GAB2: variants seen among roughly 807,000 people sequenced by gnomAD.
GAB2 encodes the protein GRB2 associated binding protein 2.
A neutral mutation model predicts 65.5 loss-of-function variants in GAB2; 26 were observed. The observed-to-expected ratio is 0.40, with a 90% CI of 0.29 to 0.55. GAB2 has a LOEUF of 0.55. Ranked by LOEUF, GAB2 falls within the 20% of genes least tolerant of loss-of-function variation. The pLI is 0.53. For synonymous variants in GAB2, 321 were observed against 329.6 expected, an observed-to-expected ratio of 0.97 and a Z score of 0.28; for missense variants, 884 against 875.8, an observed-to-expected ratio of 1.01 and a Z score of -0.12.
intron 1 of GAB2, among the ~76,000 whole-genome samples, chr11:78,393,728 A>G (rs561877845): frequency 1.3e-5 from 2 of 152,272 alleles, no homozygotes; most frequent in Non-Finnish European, 2.9e-5. Flanking sequence ...ATCCAAGAAC[A>G]GAAGAATCAA....
intron 2 of GAB2, among the ~76,000 whole-genome samples, chr11:78,262,133 G>T (rs1194064212): frequency 1.3e-5 from 2 of 152,162 alleles, no homozygotes; most frequent in Non-Finnish European, 2.9e-5. Flanking sequence ...GGATGGCTAG[G>T]CTAGGATTCA....
Position 78,225,111 on chromosome 11 carries a change from G to A in GAB2, c.1299C>T (p.Phe433=). The change falls in exon 5 of 10, where the codon TTC becomes TTT. Residue 433 remains phenylalanine (F), a synonymous_variant. Coordinates refer to ENST00000361507, the MANE Select transcript of GAB2 (RefSeq NM_080491.3). ...AESMSDGVGS[F]LPGKMIVGRS... ...CCTTGGGTTAACCCACACTCACCAG[G>A]AAAGAGCCAACTCCATCACTCATGG... The A allele has an allele frequency of 1.2e-6, 2 of 1,608,254 alleles. No individual in the cohort carries two copies. The highest frequency in any genetic ancestry group is 8.5e-7 in the Non-Finnish European group (1 of 1,174,790).
chr11:78,296,622 G>A (rs1478079531), intron 1 of GAB2, among the ~76,000 whole-genome samples: 1 of 151,596 alleles, frequency 6.6e-6, no homozygotes, highest in Admixed American at 6.6e-5. Context: ...TTGTTTACAG[G>A]ATGAGAGGTG....
At chr11:78,299,518 G>T (rs1866934322) in intron 1 of GAB2, among the ~76,000 whole-genome samples, 1 of 152,222 alleles carries the variant, frequency 6.6e-6, no homozygotes. Context: ...CTAGCCATCT[G>T]GAGTCCAGTA....
intron 3 of GAB2, among the ~76,000 whole-genome samples, chr11:78,249,668 T>C (rs1865392736): frequency 6.6e-6 from 1 of 152,198 alleles, no homozygotes; most frequent in Non-Finnish European, 1.5e-5. Flanking sequence ...ATGTGGCTAG[T>C]ACAACTAAGG....
chr11:78,244,225 C>G (rs1177415427), intron 3 of GAB2, among the ~76,000 whole-genome samples: 1 of 152,022 alleles, frequency 6.6e-6, no homozygotes, highest in Non-Finnish European at 1.5e-5. Context: ...AATCCTGTCT[C>G]TATTAAAAAT....
At chr11:78,392,634 G>C (rs1856848765) in intron 1 of GAB2, among the ~76,000 whole-genome samples, 1 of 152,198 alleles carries the variant, frequency 6.6e-6, no homozygotes, top group Non-Finnish European at 1.5e-5. Context: ...AGAGACCACG[G>C]TGGGCAAAGG....
At chr11:78,385,076 C>T (rs564002665) in intron 1 of GAB2, among the ~76,000 whole-genome samples, 9 of 152,182 alleles carry the variant, frequency 5.9e-5, no homozygotes, top group Non-Finnish European at 8.8e-5. Flanking sequence ...CCTATAATAT[C>T]GGTTTCTGCA....
At chr11:78,368,162 C>T (rs1856522581) in intron 1 of GAB2, among the ~76,000 whole-genome samples, 1 of 152,176 alleles carries the variant, frequency 6.6e-6, no homozygotes, top group Non-Finnish European at 1.5e-5. Context: ...ACAGCACTTA[C>T]TGGCCACATC....
intron 1 of GAB2, among the ~76,000 whole-genome samples, chr11:78,359,668 T>G (rs1413083292): frequency 6.6e-6 from 1 of 152,090 alleles, no homozygotes; most frequent in Non-Finnish European, 1.5e-5. Flanking sequence ...TCTGAACACT[T>G]CCAGTGTAAA....
chr11:78,342,472 C>T (rs922193224), intron 1 of GAB2, among the ~76,000 whole-genome samples: 1 of 145,680 alleles, frequency 6.9e-6, no homozygotes, highest in African/African-American at 2.6e-5. Flanking sequence ...TGCAGTGGCA[C>T]ATCTCGGCTC....
chr11:78,250,900 C>T (rs1865436191), intron 2 of GAB2, among the ~76,000 whole-genome samples: 1 of 152,124 alleles, frequency 6.6e-6, no homozygotes, highest in African/African-American at 2.4e-5. Flanking sequence ...GAGCTAAACA[C>T]AGGGTGCACA....
intron 1 of GAB2, among the ~76,000 whole-genome samples, chr11:78,400,122 T>C (rs536739270): frequency 6.6e-6 from 1 of 152,192 alleles, no homozygotes; most frequent in Non-Finnish European, 1.5e-5. Context: ...CTCTGAACTT[T>C]CAAAACTTCC....
chr11:78,263,766 A>G (rs1184778086), intron 2 of GAB2, among the ~76,000 whole-genome samples: 1 of 152,164 alleles, frequency 6.6e-6, no homozygotes, highest in Non-Finnish European at 1.5e-5. Context: ...AGGTCTGGAA[A>G]TAACCCACGG....
At chr11:78,235,760 G>A (rs538427279) in intron 3 of GAB2, among the ~76,000 whole-genome samples, 1 of 152,032 alleles carries the variant, frequency 6.6e-6, no homozygotes, top group African/African-American at 2.4e-5. Context: ...TGTCCATATC[G>A]CTATCAGGCT....
chr11:78,259,660 C>T (rs1865683167), intron 2 of GAB2, among the ~76,000 whole-genome samples: 1 of 152,160 alleles, frequency 6.6e-6, no homozygotes, highest in Non-Finnish European at 1.5e-5. Context: ...CAACTTTACA[C>T]AGTAACTCAC....
At chr11:78,392,025 A>C (rs1365976168) in intron 1 of GAB2, 1 of 152,090 alleles carries the variant, frequency 6.6e-6, no homozygotes, top group African/African-American at 2.4e-5. Context: ...CGGATCACGA[A>C]GTCAGGAGTG....
chr11:78,321,334 C>T (rs539306801), intron 1 of GAB2, among the ~76,000 whole-genome samples: 9 of 152,262 alleles, frequency 5.9e-5, no homozygotes, highest in Admixed American at 6.5e-5. Context: ...GGAAATGACC[C>T]GTATGTATGG....
intron 1 of GAB2, among the ~76,000 whole-genome samples, chr11:78,393,809 T>G (rs1856861993): frequency 6.6e-6 from 1 of 152,224 alleles, no homozygotes; most frequent in South Asian, 2.1e-4. Context: ...TGCCTGGCAT[T>G]ATCATATTTA....
Sources: gnomAD v4.1 joint callset for allele counts (sites outside exome capture counted in the v4.1 genomes callset) on GRCh38, gnomAD v4.1.1 for gene constraint, MANE v1.5 for transcripts, NCBI Gene and HGNC (gene_info 2026-07-23, HGNC 2026-07-21) for gene names.